Variants in WNK3 observed in about 807,000 individuals in gnomAD.
WNK3 encodes WNK lysine deficient protein kinase 3.
In WNK3, 18 loss-of-function variants were observed where a neutral mutation model predicts 116.7. That is an observed-to-expected ratio of 0.15 (90% CI 0.11 to 0.23). WNK3 has a LOEUF of 0.23. Among genes scored for constraint, WNK3 ranks in the 10% least tolerant of loss-of-function variants. The pLI is 1.00. For synonymous variants in WNK3, 404 were observed against 469.4 expected (o/e 0.86, Z 1.80); for missense variants, 993 against 1,323.8 (o/e 0.75, Z 3.88).
intron 10 of WNK3, among the ~76,000 whole-genome samples, chrX:54,259,783 T>C (rs2068236954): frequency 9.0e-6 from 1 of 111,403 alleles, no homozygotes; most frequent in Non-Finnish European, 1.9e-5. Flanking sequence ...AACTATCCCT[T>C]CAAGGAATTA....
At chrX:54,203,616 T>C (rs2067522300) in intron 22 of WNK3, among the ~76,000 whole-genome samples, 1 of 111,172 alleles carries the variant, frequency 9.0e-6, no homozygotes, top group Non-Finnish European at 1.9e-5. Flanking sequence ...ACCCAGAAGA[T>C]TAACAACTGG....
At chrX:54,270,761 T>G (rs2147018223) in intron 10 of WNK3, among the ~76,000 whole-genome samples, 1 of 110,221 alleles carries the variant, frequency 9.1e-6, no homozygotes, top group South Asian at 3.9e-4. Flanking sequence ...AGGCCCGGTG[T>G]GTGATGTTCC....
intron 5 of WNK3, among the ~76,000 whole-genome samples, chrX:54,306,738 G>A (rs140794246): frequency 0.018 from 2,003 of 110,544 alleles, 19 homozygotes; most frequent in Non-Finnish European, 0.027. Context: ...AACTACAGTC[G>A]ATAATAACAA....
At chrX:54,309,071 A>G (rs1321891761) in intron 4 of WNK3, 24 bp downstream of exon 4, 1 of 1,173,663 alleles carries the variant, frequency 8.5e-7, no homozygotes. Context: ...TTACCCAACC[A>G]GTAAACTGTA....
At chrX:54,307,950 G>A in exon 5 of WNK3, 1 of 1,198,949 alleles carries the variant, frequency 8.3e-7, no homozygotes, top group Non-Finnish European at 1.1e-6. Flanking sequence ...TATTTGAGCT[G>A]CATTCTGACA....
At chrX:54,315,720 G>A (rs1416780460) in intron 2 of WNK3, among the ~76,000 whole-genome samples, 1 of 111,138 alleles carries the variant, frequency 9.0e-6, no homozygotes, top group African/African-American at 3.3e-5. Flanking sequence ...ACTTCTTTTT[G>A]ATTATCGAGA....
intron 4 of WNK3, among the ~76,000 whole-genome samples, 159 bp from the exon 5 acceptor site, chrX:54,308,238 C>A (rs1288412994): frequency 2.7e-5 from 3 of 110,261 alleles, no homozygotes; most frequent in African/African-American, 9.9e-5. Context: ...GTTGCCCAGG[C>A]TGGAGTGCAG....
At chrX:54,327,315 GGCTCATGTCTGTAATCTCA>G (rs1397062102) in intron 2 of WNK3, among the ~76,000 whole-genome samples, 3 of 111,329 alleles carry the variant, frequency 2.7e-5, no homozygotes, top group Non-Finnish European at 5.6e-5. Flanking sequence ...TGGGCATGGT[GGCTCATGTCTGTAATCTCA>G]GCACTCTGAG....
At chrX:54,276,813 C>T (rs1276473041) in intron 10 of WNK3, among the ~76,000 whole-genome samples, 1 of 109,450 alleles carries the variant, frequency 9.1e-6, no homozygotes, top group Non-Finnish European at 1.9e-5. Context: ...CTCCCAGGTT[C>T]AAGCAATTCT....
chrX:54,238,126 G>A lies in WNK3; in HGVS notation c.4014+216C>T, dbSNP rs782611523. Among the ~76,000 whole-genome samples the A allele has an allele frequency of 2.0e-4, 22 of 110,496 alleles. 1 individual carries two copies. In the South Asian group the frequency reaches 6.6e-3, roughly 33 times the overall value. ...CGCGCACTTGTAATCCCAGCTACTCGGGAGGCTGAGGCAGTAAAATCGCTT... is the reference window on the plus strand; with the variant it reads ...CGCGCACTTGTAATCCCAGCTACTCAGGAGGCTGAGGCAGTAAAATCGCTT... On this transcript the variant is annotated intron_variant, in intron 19 of 23. Coordinates refer to ENST00000354646, the Ensembl canonical transcript of WNK3.
intron 2 of WNK3, among the ~76,000 whole-genome samples, chrX:54,314,215 A>C (rs1422076269): frequency 9.2e-6 from 1 of 108,661 alleles, no homozygotes; most frequent in Non-Finnish European, 1.9e-5. Context: ...AAAAAAAAAA[A>C]AAACAAAACA....
At chrX:54,228,568 T>C (rs1292034381) in intron 22 of WNK3, 146 bp downstream of exon 22, 1 of 324,593 alleles carries the variant, frequency 3.1e-6, no homozygotes, top group African/African-American at 2.7e-5. Context: ...ATGTTGAAAA[T>C]ATTCCAAAAT....
intron 10 of WNK3, among the ~76,000 whole-genome samples, chrX:54,275,990 T>C (rs923264512): frequency 9.9e-5 from 11 of 110,632 alleles, no homozygotes; most frequent in Non-Finnish European, 1.5e-4. Flanking sequence ...TAAAAAGACA[T>C]AGCCATCCTA....
intron 5 of WNK3, 137 bp downstream of exon 5, chrX:54,307,785 C>A: frequency 2.1e-6 from 1 of 483,983 alleles, no homozygotes; most frequent in Non-Finnish European, 3.4e-6. Context: ...AAATCTAAGG[C>A]TTGTTGCATT....
At chrX:54,247,050 A>G (rs1458299723) in intron 17 of WNK3, among the ~76,000 whole-genome samples, 1 of 111,958 alleles carries the variant, frequency 8.9e-6, no homozygotes, top group Non-Finnish European at 1.9e-5. Flanking sequence ...ACATTTTTGG[A>G]CATGCAAAAG....
At chrX:54,197,764 C>T (rs2067459274) in exon 24 of WNK3, 1 of 108,656 alleles carries the variant, frequency 9.2e-6, no homozygotes, top group African/African-American at 3.4e-5. Context: ...TTTTATACAC[C>T]AAAACGTTTC....
intron 22 of WNK3, among the ~76,000 whole-genome samples, chrX:54,217,315 CAAAAAA>C (rs782153999): frequency 1.6e-4 from 8 of 49,940 alleles, no homozygotes; most frequent in African/African-American, 5.6e-4. Flanking sequence ...AAGACTCCAT[CAAAAAA>C]AAAAAAAAAA....
intron 13 of WNK3, among the ~76,000 whole-genome samples, chrX:54,253,615 T>C (rs1044155643): frequency 4.4e-4 from 49 of 111,930 alleles, no homozygotes; most frequent in Non-Finnish European, 5.4e-4. Context: ...TTACAAACTA[T>C]TGATGCTTGG....
rs1435182091 is a variant in WNK3, at chrX:54,266,609, C to A, written c.2038-7271G>T. ...CTGAAGTGCAATAATGTGATTAAGA[C>A]TCACTGCAGCCTTGATCTCTCAGGC... On this transcript the variant is annotated intron_variant, in intron 10 of 23. Transcript: ENST00000354646. Among the ~76,000 whole-genome samples the A allele has an allele frequency of 2.7e-5, 3 of 110,563 alleles. No individual in the cohort carries two copies. The East Asian group carries it at 8.4e-4, about 31-fold the overall frequency.
Sources: gnomAD v4.1 joint callset for allele counts (sites outside exome capture counted in the v4.1 genomes callset) on GRCh38, gnomAD v4.1.1 for gene constraint, MANE v1.5 for transcripts, NCBI Gene and HGNC (gene_info 2026-07-23, HGNC 2026-07-21) for gene names.